AP5Z1: variants seen among roughly 807,000 people sequenced by gnomAD.
AP5Z1 encodes adaptor related protein complex 5 subunit zeta 1.
In AP5Z1, 106 loss-of-function variants were observed where a neutral mutation model predicts 83.0. That is an observed-to-expected ratio of 1.28 (90% CI 1.09 to 1.50). AP5Z1 has a LOEUF of 1.50. Among genes scored for constraint, AP5Z1 ranks in the 40% most tolerant of loss-of-function variants. The probability of loss-of-function intolerance (pLI) is 0.00; values close to 1 mark genes in which losing one functional copy is unlikely to be tolerated. For synonymous variants in AP5Z1, 751 were observed against 514.1 expected, an observed-to-expected ratio of 1.46 and a Z score of -6.23; for missense variants, 1,565 against 1,094.2, an observed-to-expected ratio of 1.43 and a Z score of -6.07.
rs1781780712 is a variant in AP5Z1 at position 4,791,693 on chromosome 7, CTTT to C, written c.*310_*312del. 5 of 463,016 alleles carry C rather than the reference CTTT, an allele frequency of 1.1e-5. No homozygotes were observed. The highest frequency in any genetic ancestry group is 1.9e-5 in the Non-Finnish European group (5 of 260,800). 28.7% of individuals were successfully genotyped at this position (463,016 alleles called of 1,614,324 possible). ...GAGGCTGCTGGGTCTGTTTCCTAGT[CTTT>C]TGTTTTTGGACAGTTGATGGGCAAG... On this transcript the variant is annotated 3_prime_UTR_variant, in exon 17 of 17. Transcript: ENST00000649063.
At chr7:4,785,845 G>C (rs867598454) in intron 9 of AP5Z1, among the ~76,000 whole-genome samples, 161 bp downstream of exon 9, 6 of 150,774 alleles carry the variant, frequency 4.0e-5, no homozygotes, top group Admixed American at 1.3e-4. Context: ...GGCCTCAAGC[G>C]ATCCTCCTGC....
At position 4,785,000 on chromosome 7, in the gene AP5Z1, G is replaced by T; in HGVS notation, c.883G>T (p.Glu295Ter). 6.2e-7 allele frequency: 1 copy of T among 1,611,754 alleles called. No individual in the cohort carries two copies. Among genetic ancestry groups the T allele is most frequent in the Non-Finnish European group, 8.5e-7 (1 of 1,179,320 alleles). Residue 295 changes from glutamate (E) to a stop codon, truncating the protein, a stop_gained, in exon 7 of 17, where the codon GAG becomes TAG. Transcript: ENST00000649063. LOFTEE classifies it high-confidence loss of function. Reference protein sequence around the residue: ...RLLPPRERLREVAFEYCQRLI... With the variant: ...RLLPPRERLR ...GCTGCCGCCCCGGGAGCGGCTTCGG[G>T]AGGTGGCCTTCGAGTACTGCCAGCG...
chr7:4,790,773 A>AG lies in AP5Z1; in HGVS notation c.2041dup (p.Val681GlyfsTer82), dbSNP rs778708155. On this transcript the variant is annotated frameshift_variant, in exon 16 of 17. Transcript: ENST00000649063. LOFTEE classifies it high-confidence loss of function. ...GAAGCCCTGGAGGCTCTGCTATTCG[A>AG]GGTCACCCAGTGCCGCCCCTCTGCT... 2 of 1,608,918 alleles carry AG rather than the reference A, an allele frequency of 1.2e-6. No individual in the cohort carries two copies. The highest frequency in any genetic ancestry group is 4.5e-5 in the East Asian group (2 of 44,766).
intron 1 of AP5Z1, among the ~76,000 whole-genome samples, chr7:4,776,914 C>T (rs1170567679): frequency 6.6e-6 from 1 of 152,062 alleles, no homozygotes; most frequent in African/African-American, 2.4e-5. Flanking sequence ...GAACGAGACT[C>T]CATGTCAAAA....
In AP5Z1 at chr7:4,791,202, C is replaced by T. The variant is rs760812038; in HGVS notation, c.2241C>T (p.Ile747=). ...ACAGCGAGGAGGGCGCGGAAGCCAT[C>T]CGTACCCGGGCCACAGAGCTGCTGA... ...STHSEEGAEA[I]RTRATELLTL... Residue 747 remains isoleucine (I), a synonymous_variant, in exon 17 of 17, where the codon ATC becomes ATT. Transcript: ENST00000649063. 1 of 1,612,592 alleles carries T rather than the reference C, an allele frequency of 6.2e-7. No homozygotes were observed. Among genetic ancestry groups the T allele is most frequent in the Non-Finnish European group, 8.5e-7 (1 of 1,179,778 alleles).
Position 4,784,937 on chromosome 7 carries a change from C to G in AP5Z1, c.820C>G (p.Leu274Val). The change falls in exon 7 of 17, where the codon CTG (leucine) becomes GTG (valine). Residue 274 changes from leucine (L) to valine (V), a missense_variant. Coordinates refer to ENST00000649063, the MANE Select transcript of AP5Z1 (RefSeq NM_014855.3). ...DDRSEQEGST[L>V]SVISATSSAG... Reference sequence around the variant, plus strand: ...CAGGTCAGAGCAGGAGGGCTCCACTCTGTCGGTGATCTCCGCCACCTCCTC... The same window carrying G: ...CAGGTCAGAGCAGGAGGGCTCCACTGTGTCGGTGATCTCCGCCACCTCCTC... 1 of 1,612,100 alleles carries G rather than the reference C, an allele frequency of 6.2e-7. No homozygotes were observed. Among genetic ancestry groups the G allele is most frequent in the Non-Finnish European group, 8.5e-7 (1 of 1,179,498 alleles).
rs1363571953 is a variant in AP5Z1, at chr7:4,791,811, G to C, written c.*426G>C. The stretch of plus-strand genomic sequence containing the variant: ...CGTTACCTGCCCTGCACCCTGGGGA[G>C]AGGACCAGGGATGGGAACCCCTGGC... On this transcript the variant is annotated 3_prime_UTR_variant, in exon 17 of 17. Transcript: ENST00000649063. The C allele has an allele frequency of 6.0e-6, 1 of 165,452 alleles. No individual in the cohort carries two copies. 10.2% of individuals were successfully genotyped at this position (165,452 alleles called of 1,614,324 possible).
At position 4,787,867 on chromosome 7, in the gene AP5Z1, C is replaced by T. The variant is rs138182480; in HGVS notation, c.1454+91C>T. The T allele has an allele frequency of 1.3e-3, 1,806 of 1,409,718 alleles. 11 individuals carry two copies. In the African/African-American group the frequency reaches 0.019, roughly 15 times the overall value. The allele number at this position is 1,409,718 out of a possible 1,614,324, so 87.3% of individuals were successfully genotyped here. On this transcript the variant is annotated intron_variant, in intron 11 of 16. Transcript: ENST00000649063. ...TCCTCGCTGCTCCTGACCCCTACAC[C>T]GGGGACCCTCCTTCTTCCCCCCCCA...
chr7:4,776,454 C>T (rs1781227914), intron 1 of AP5Z1, among the ~76,000 whole-genome samples: 1 of 150,886 alleles, frequency 6.6e-6, no homozygotes, highest in African/African-American at 2.4e-5. Context: ...TGGTGGCTCA[C>T]GCCTGTAATC....
At chr7:4,782,379 G>C (rs1488634868) in intron 3 of AP5Z1, among the ~76,000 whole-genome samples, 1 of 152,136 alleles carries the variant, frequency 6.6e-6, no homozygotes, top group Admixed American at 6.6e-5. Context: ...ACTCAGCGTG[G>C]GGATCCAGGG....
In AP5Z1 at chr7:4,780,950, T is replaced by C. The variant is rs17135115; in HGVS notation, c.42-225T>C. ...TGCATGGGGCCTCCGTGAGTGAGAT[T>C]CGTCATAGTGCGCTGCAGCGATGGA... On this transcript the variant is annotated intron_variant, in intron 1 of 16. Transcript: ENST00000649063. 0.053 allele frequency among the ~76,000 whole-genome samples: 8,089 copies of C among 152,184 alleles called. 313 individuals are homozygous for C. Among genetic ancestry groups the C allele is most frequent in the South Asian group, 0.19 (893 of 4,822 alleles).
In AP5Z1 at chr7:4,792,359, CCCACCTCCCCTCCGGCCTCGG is replaced by C. The variant is rs1260650016; in HGVS notation, c.*977_*997del. The C allele has an allele frequency of 6.7e-6, 1 of 149,592 alleles. No individual in the cohort carries two copies. The highest frequency in any genetic ancestry group is 1.9e-4 in the East Asian group (1 of 5,146). 9.3% of individuals were successfully genotyped at this position (149,592 alleles called of 1,614,324 possible). ...GGTCTCCTCTTTTGCTCTGGCCCCG[CCCACCTCCCCTCCGGCCTCGG>C]CCCCGCCCCCAATCCCCCATAGCTC... On this transcript the variant is annotated 3_prime_UTR_variant, in exon 17 of 17. Coordinates refer to ENST00000649063, the MANE Select transcript of AP5Z1 (RefSeq NM_014855.3).
chr7:4,787,853 C>G, intron 11 of AP5Z1, 77 bp downstream of exon 11: 1 of 1,457,860 alleles, frequency 6.9e-7, no homozygotes, highest in Non-Finnish European at 9.1e-7. Context: ...CCTCGCTGCT[C>G]CTGACCCCTA....
intron 3 of AP5Z1, among the ~76,000 whole-genome samples, chr7:4,782,328 T>C (rs1781404361): frequency 6.6e-6 from 1 of 152,164 alleles, no homozygotes; most frequent in Non-Finnish European, 1.5e-5. Flanking sequence ...TTTTGCCAAG[T>C]CCATGTCCTC....
chr7:4,789,937 CCTCCTGCG>C lies in AP5Z1; in HGVS notation c.1805+16_1805+23del. On this transcript the variant is annotated intron_variant, in intron 14 of 16. Transcript: ENST00000649063. The stretch of plus-strand genomic sequence containing the variant: ...CGCTGCCGGTGTGCACAGGTAGGTC[CCTCCTGCG>C]CTCCTGCCACAGCCCTGGGCGGGTG... 1 of 1,525,226 alleles carries C rather than the reference CCTCCTGCG, an allele frequency of 6.6e-7. No individual in the cohort carries two copies. 94.5% of individuals were successfully genotyped at this position (1,525,226 alleles called of 1,614,324 possible). A position where few individuals can be genotyped will look rare whatever the true frequency, so the allele number is the denominator to read the frequency against.
At chr7:4,783,629 A>G in intron 4 of AP5Z1, 60 bp from the exon 5 acceptor site, 5 of 1,517,540 alleles carry the variant, frequency 3.3e-6, no homozygotes, top group Middle Eastern at 1.7e-4. Flanking sequence ...CCAGCATCCC[A>G]ACAACCCAGG....
chr7:4,789,725 G>C, intron 13 of AP5Z1, 107 bp from the exon 14 acceptor site: 1 of 763,812 alleles, frequency 1.3e-6, no homozygotes. Context: ...TGGACGAGGA[G>C]TCTCCAGCCC....
In AP5Z1 at chr7:4,791,653, T is replaced by TGGCG. The variant is rs1261550484; in HGVS notation, c.*271_*272insGGGC. On this transcript the variant is annotated 3_prime_UTR_variant, in exon 17 of 17. Coordinates refer to ENST00000649063, the MANE Select transcript of AP5Z1 (RefSeq NM_014855.3). ...CTCTGATTGGAGGCTTGAGGCCCTGTGGCTGGGTCGGGTGGAGGCTGCTGG... is the reference window on the plus strand; with the variant it reads ...CTCTGATTGGAGGCTTGAGGCCCTGTGGCGGGCTGGGTCGGGTGGAGGCTGCTGG... 3.8e-6 allele frequency: 2 copies of TGGCG among 530,244 alleles called. No homozygotes were observed. Among genetic ancestry groups the TGGCG allele is most frequent in the Non-Finnish European group, 6.6e-6 (2 of 304,594 alleles). The allele number at this position is 530,244 out of a possible 1,614,324, so 32.8% of individuals were successfully genotyped here. A position where few individuals can be genotyped will look rare whatever the true frequency, so the allele number is the denominator to read the frequency against.
chr7:4,788,236 C>A lies in AP5Z1; in HGVS notation c.1537C>A (p.Gln513Lys). 5 of 1,580,668 alleles carry A rather than the reference C, an allele frequency of 3.2e-6. No homozygotes were observed. The highest frequency in any genetic ancestry group is 4.3e-6 in the Non-Finnish European group (5 of 1,164,640). Residue 513 changes from glutamine to lysine, a missense_variant, in exon 12 of 17, where the codon CAG becomes AAG. Physicochemically the swap from Gln to Lys is moderately conservative, Grantham distance 53. Coordinates refer to ENST00000649063, the MANE Select transcript of AP5Z1 (RefSeq NM_014855.3). ...CTGCCTGGAGGCCTTCCGGGACCCG[C>A]AGTTCCAGGGTCTTTTCCAATACCT... ...PSCLEAFRDP[Q>K]FQGLFQYLLR...
Sources: gnomAD v4.1 joint callset for allele counts (sites outside exome capture counted in the v4.1 genomes callset) on GRCh38, gnomAD v4.1.1 for gene constraint, MANE v1.5 for transcripts, NCBI Gene and HGNC (gene_info 2026-07-23, HGNC 2026-07-21) for gene names.